TCTN3: variants seen among roughly 807,000 people sequenced by gnomAD.
The protein encoded by TCTN3 is tectonic family member 3, also known as tectonic-3.
In TCTN3, 57 loss-of-function variants were observed where a neutral mutation model predicts 71.3. The observed-to-expected ratio is 0.80, with a 90% CI of 0.65 to 1.00. The LOEUF (loss-of-function observed/expected upper bound fraction) is 1.00, where lower values mean the gene tolerates loss of function less well. Ranked by LOEUF, TCTN3 falls within the 50% of genes least tolerant of loss-of-function variation. TCTN3 has a pLI of 0.00. For synonymous variants in TCTN3, 258 were observed against 267.8 expected (o/e 0.96, Z 0.36); for missense variants, 696 against 719.9 (o/e 0.97, Z 0.38).
rs1170285158 is a variant in TCTN3 at position 95,687,656 on chromosome 10, G to A, written c.563C>T (p.Ala188Val). 1 of 1,614,174 alleles carries A rather than the reference G, an allele frequency of 6.2e-7. No homozygotes were observed. The highest frequency in any genetic ancestry group is 1.7e-5 in the Admixed American group (1 of 60,028). ...AGTGAATGATTCGCCTCCAAACTCT[G>A]CAGCCAGGGCCTGGAAGTTGGTTGC... is the stretch of plus-strand genomic sequence containing the variant. ...VNATNFQALAAEFGGESFTST... is the reference protein window; with the variant it reads ...VNATNFQALAVEFGGESFTST... Residue 188 changes from alanine (A) to valine (V), a missense_variant, in exon 4 of 14, where the codon GCA becomes GTA. By Grantham distance (64) the Ala-to-Val change is moderately conservative (BLOSUM62 0). Coordinates refer to ENST00000371217, the MANE Select transcript of TCTN3 (RefSeq NM_015631.6).
intron 13 of TCTN3, among the ~76,000 whole-genome samples, chr10:95,678,329 C>T (rs1054514177): frequency 2.0e-5 from 3 of 151,890 alleles, no homozygotes; most frequent in Admixed American, 1.3e-4. Context: ...GTCAGGAGTT[C>T]GAGACTAGCC....
rs1305342129 is a variant in TCTN3 at position 95,683,641 on chromosome 10, G to T, written c.1096-12C>A. 3.8e-6 allele frequency: 6 copies of T among 1,598,444 alleles called. No homozygotes were observed. Among genetic ancestry groups the T allele is most frequent in the Non-Finnish European group, 5.1e-6 (6 of 1,170,818 alleles). ...CTCTGTTGAAAAGCCTGCAGAAAGA[G>T]GGAAGAGAAGTCAATTATGGAGATA... is the stretch of plus-strand genomic sequence containing the variant. On this transcript the variant is annotated splice_polypyrimidine_tract_variant and intron_variant, in intron 9 of 13. Transcript: ENST00000371217.
intron 13 of TCTN3, among the ~76,000 whole-genome samples, chr10:95,673,006 G>A (rs192773224): frequency 1.3e-5 from 2 of 152,026 alleles, no homozygotes; most frequent in African/African-American, 4.8e-5. Flanking sequence ...TGAAGTATCT[G>A]TTCAAATCTT....
At position 95,663,977 on chromosome 10, in the gene TCTN3, C is replaced by G; in HGVS notation, c.*90G>C. 9.9e-7 allele frequency: 1 copy of G among 1,010,300 alleles called. No individual in the cohort carries two copies. Among genetic ancestry groups the G allele is most frequent in the East Asian group, 2.4e-5 (1 of 42,062 alleles). 62.6% of individuals were successfully genotyped at this position (1,010,300 alleles called of 1,614,324 possible). On this transcript the variant is annotated 3_prime_UTR_variant, in exon 14 of 14. Coordinates refer to ENST00000371217, the MANE Select transcript of TCTN3 (RefSeq NM_015631.6). The stretch of plus-strand genomic sequence containing the variant: ...TCTATTATCCTAAATGCTCTCTGGT[C>G]ATGAGCAGGTGAGGTTCTATTTAGC...
intron 3 of TCTN3, among the ~76,000 whole-genome samples, chr10:95,691,200 G>A (rs1025434653): frequency 5.0e-4 from 76 of 152,130 alleles, no homozygotes; most frequent in African/African-American, 1.7e-3. Flanking sequence ...ACAGACTCTC[G>A]TTCTGTTACC....
rs1382316754 is a variant in TCTN3, at chr10:95,693,502, T to A, written c.257-26A>T. On this transcript the variant is annotated intron_variant, in intron 1 of 13. Coordinates refer to ENST00000371217, the MANE Select transcript of TCTN3 (RefSeq NM_015631.6). ...CTATGAAAGTACGACACAGAGTGAG[T>A]GGGATGAAGATCCCCAAACTCTCCC... is the stretch of plus-strand genomic sequence containing the variant. 1.9e-6 allele frequency: 3 copies of A among 1,551,892 alleles called. No homozygotes were observed. The East Asian group carries it at 7.3e-5, about 38-fold the overall frequency.
chr10:95,667,003 C>T (rs2097926335), intron 13 of TCTN3, among the ~76,000 whole-genome samples: 1 of 152,192 alleles, frequency 6.6e-6, no homozygotes, highest in Non-Finnish European at 1.5e-5. Flanking sequence ...TCATTAGCCT[C>T]CTCAAACTCC....
Position 95,664,003 on chromosome 10 carries a change from C to T in TCTN3, c.*64G>A. On this transcript the variant is annotated 3_prime_UTR_variant, in exon 14 of 14. Transcript: ENST00000371217. ...ATGAGCAGGTGAGGTTCTATTTAGC[C>T]AAGATAAGTGGCTGCCTCAGAGTTT... is the stretch of plus-strand genomic sequence containing the variant. The T allele has an allele frequency of 1.4e-6, 2 of 1,426,676 alleles. No individual in the cohort carries two copies. Among genetic ancestry groups the T allele is most frequent in the Non-Finnish European group, 2.0e-6 (2 of 1,015,498 alleles). The allele number at this position is 1,426,676 out of a possible 1,614,324, so 88.4% of individuals were successfully genotyped here. A position where few individuals can be genotyped will look rare whatever the true frequency, so the allele number is the denominator to read the frequency against.
chr10:95,693,634 T>C lies in TCTN3; in HGVS notation c.256+10A>G, dbSNP rs774298013. On this transcript the variant is annotated intron_variant, in intron 1 of 13. Transcript: ENST00000371217. ...AAGTAAGTTTCCACCCCCACAACGTTTTCCCTCACCTGGGAAGAGGTCCAC... is the reference window on the plus strand; with the variant it reads ...AAGTAAGTTTCCACCCCCACAACGTCTTCCCTCACCTGGGAAGAGGTCCAC... The C allele has an allele frequency of 6.5e-7, 1 of 1,548,902 alleles. No individual in the cohort carries two copies. The highest frequency in any genetic ancestry group is 1.2e-5 in the South Asian group (1 of 83,772).
Position 95,664,303 on chromosome 10 carries a change from A to G in TCTN3, c.1591-3T>C, listed in dbSNP as rs2097924036. The G allele has an allele frequency of 6.2e-7, 1 of 1,613,560 alleles. No individual in the cohort carries two copies. The highest frequency in any genetic ancestry group is 1.3e-5 in the African/African-American group (1 of 74,922). On this transcript the variant is annotated splice_polypyrimidine_tract_variant and splice_region_variant and intron_variant, in intron 13 of 13. Coordinates refer to ENST00000371217, the MANE Select transcript of TCTN3 (RefSeq NM_015631.6). Reference sequence around the variant, plus strand: ...ACTTCTGTAACTTGCTGAGAATCCTACGGGAAGAAAGTCAATGACAGGTCA... The same window carrying G: ...ACTTCTGTAACTTGCTGAGAATCCTGCGGGAAGAAAGTCAATGACAGGTCA...
intron 3 of TCTN3, 37 bp downstream of exon 3, chr10:95,692,883 G>A (rs2097954859): frequency 6.7e-7 from 1 of 1,484,478 alleles, no homozygotes; most frequent in Non-Finnish European, 9.4e-7. Flanking sequence ...ACACTCCTGT[G>A]TTAGAAAATG....
At position 95,680,349 on chromosome 10, in the gene TCTN3, A is replaced by G. The variant is rs771299869; in HGVS notation, c.1590+123T>C. On this transcript the variant is annotated intron_variant, in intron 13 of 13. Coordinates refer to ENST00000371217, the MANE Select transcript of TCTN3 (RefSeq NM_015631.6). ...GACAAATTATGTCAGCTCACTTTAA[A>G]CAAACATTGGTTGCTAACATAAATT... 425,723 of 1,263,530 alleles carry G rather than the reference A, an allele frequency of 0.34. 75,734 individuals carry two copies. Among genetic ancestry groups the G allele is most frequent in the East Asian group, 0.65 (26,112 of 39,896 alleles). 78.3% of individuals were successfully genotyped at this position (1,263,530 alleles called of 1,614,324 possible). A position where few individuals can be genotyped will look rare whatever the true frequency, so the allele number is the denominator to read the frequency against.
In TCTN3 at chr10:95,682,687, CCCT is replaced by C; in HGVS notation, c.1413_1415del (p.Gly472del). 1 of 1,614,090 alleles carries C rather than the reference CCCT, an allele frequency of 6.2e-7. No homozygotes were observed. The highest frequency in any genetic ancestry group is 1.1e-5 in the South Asian group (1 of 91,070). ...AGTGCCTGTTGAGGATCCTGGTCCA[CCCT>C]CCTTTCTGGGCTGGGTCAGCATTAC... On this transcript the variant is annotated inframe_deletion, in exon 12 of 14. Transcript: ENST00000371217.
chr10:95,672,167 T>TGTGTGTGTGTGA (rs759507819), intron 13 of TCTN3, among the ~76,000 whole-genome samples: 5 of 151,946 alleles, frequency 3.3e-5, no homozygotes, highest in Non-Finnish European at 5.9e-5. Flanking sequence ...TTATTGTGTG[T>TGTGTGTGTGTGA]GTGTGTCTGG....
intron 3 of TCTN3, 95 bp from the exon 4 acceptor site, chr10:95,687,814 A>G: frequency 7.1e-7 from 1 of 1,413,618 alleles, no homozygotes; most frequent in Non-Finnish European, 9.5e-7. Context: ...CATAATATAC[A>G]GGGTGCAAAT....
At chr10:95,671,548 C>A (rs2097931416) in intron 13 of TCTN3, among the ~76,000 whole-genome samples, 1 of 152,120 alleles carries the variant, frequency 6.6e-6, no homozygotes, top group African/African-American at 2.4e-5. Flanking sequence ...AAAATCAGTA[C>A]AAATAAAAAC....
At position 95,683,257 on chromosome 10, in the gene TCTN3, A is replaced by G; in HGVS notation, c.1204-62T>C. The G allele has an allele frequency of 4.5e-6, 7 of 1,557,416 alleles. No homozygotes were observed. The South Asian group carries it at 4.7e-5, about 10-fold the overall frequency. On this transcript the variant is annotated intron_variant, in intron 10 of 13. Coordinates refer to ENST00000371217, the MANE Select transcript of TCTN3 (RefSeq NM_015631.6). ...AGAAAAAAAAAGGAGGCAGCATTGC[A>G]AAATTTATGTTCTCATTCTCCTTTA...
intron 7 of TCTN3, among the ~76,000 whole-genome samples, chr10:95,686,074 A>C (rs951826539): frequency 6.6e-6 from 1 of 152,202 alleles, no homozygotes; most frequent in Non-Finnish European, 1.5e-5. Flanking sequence ...CAAAATATTA[A>C]AAAATTAGCT....
chr10:95,676,547 T>G (rs1405453931), intron 13 of TCTN3, among the ~76,000 whole-genome samples: 1 of 152,158 alleles, frequency 6.6e-6, no homozygotes, highest in Non-Finnish European at 1.5e-5. Flanking sequence ...AAATCACAAA[T>G]TGTGGGTGCA....
Sources: gnomAD v4.1 joint callset for allele counts (sites outside exome capture counted in the v4.1 genomes callset) on GRCh38, gnomAD v4.1.1 for gene constraint, MANE v1.5 for transcripts, NCBI Gene and HGNC (gene_info 2026-07-23, HGNC 2026-07-21) for gene names.